Variants in TBC1D22A observed in about 807,000 individuals in gnomAD.
TBC1D22A encodes TBC1 domain family member 22A.
A neutral mutation model predicts 60.2 loss-of-function variants in TBC1D22A; 38 were observed. The observed-to-expected ratio is 0.63, with a 90% CI of 0.49 to 0.83. The LOEUF (loss-of-function observed/expected upper bound fraction) is 0.83. TBC1D22A is among the 40% of genes least tolerant of loss of function. The pLI is 0.00. For synonymous variants in TBC1D22A, 302 were observed against 281.7 expected, an observed-to-expected ratio of 1.07 and a Z score of -0.72; for missense variants, 628 against 701.0, an observed-to-expected ratio of 0.90 and a Z score of 1.18.
chr22:46,826,093 T>G (rs147538975), intron 4 of TBC1D22A, among the ~76,000 whole-genome samples: 4,880 of 152,164 alleles, frequency 0.032, 81 homozygotes, highest in Middle Eastern at 0.041. Flanking sequence ...GTGTTAGCCA[T>G]GATGGTCTCG....
At chr22:46,870,454 C>T (rs1253265342) in intron 4 of TBC1D22A, among the ~76,000 whole-genome samples, 1 of 152,234 alleles carries the variant, frequency 6.6e-6, no homozygotes, top group Non-Finnish European at 1.5e-5. Flanking sequence ...ATTTCTCATT[C>T]ACTTAATCTC....
intron 8 of TBC1D22A, among the ~76,000 whole-genome samples, chr22:46,923,595 G>A (rs1360237803): frequency 6.6e-6 from 1 of 152,266 alleles, no homozygotes; most frequent in African/African-American, 2.4e-5. Context: ...CTTTGAGCCA[G>A]GGTGCGGGGC....
chr22:46,777,330 T>C lies in TBC1D22A; in HGVS notation c.62+14482T>C, dbSNP rs2083747343. Among the ~76,000 whole-genome samples, 1 of 152,108 alleles carries C rather than the reference T, an allele frequency of 6.6e-6. No homozygotes were observed. Among genetic ancestry groups the C allele is most frequent in the Non-Finnish European group, 1.5e-5 (1 of 68,016 alleles). The stretch of plus-strand genomic sequence containing the variant: ...ACGAGGCAGGGATGAGCACATTGTC[T>C]ATTTTTGTGTGACTGGTAGAGAGTG... On this transcript the variant is annotated intron_variant, in intron 1 of 12. Coordinates refer to ENST00000337137, the MANE Select transcript of TBC1D22A (RefSeq NM_014346.5). The surrounding 1 kb of genome is among the most constrained non-coding windows in gnomAD (Gnocchi z 4.5).
At chr22:46,982,612 G>A (rs2074558418) in intron 9 of TBC1D22A, among the ~76,000 whole-genome samples, 1 of 152,206 alleles carries the variant, frequency 6.6e-6, no homozygotes, top group Admixed American at 6.5e-5. Context: ...AGGGGAGATG[G>A]TCTGTCCAGC....
chr22:46,984,405 A>G (rs866464091), intron 9 of TBC1D22A, among the ~76,000 whole-genome samples: 401 of 135,288 alleles, frequency 3.0e-3, no homozygotes, highest in Non-Finnish European at 4.0e-3. Context: ...AAAAAAAAAA[A>G]AGAGAAGTTC....
chr22:46,926,954 A>G (rs2071082464), intron 8 of TBC1D22A, among the ~76,000 whole-genome samples: 1 of 152,256 alleles, frequency 6.6e-6, no homozygotes, highest in Non-Finnish European at 1.5e-5. Flanking sequence ...TATTGAAACA[A>G]TAATTTCAAA....
intron 10 of TBC1D22A, among the ~76,000 whole-genome samples, chr22:47,023,007 T>C (rs531432160): frequency 8.5e-5 from 13 of 152,180 alleles, no homozygotes; most frequent in Admixed American, 3.3e-4. Flanking sequence ...TGCACAGAAA[T>C]GGAAAAGATC....
At chr22:47,093,427 C>T (rs561121878) in intron 11 of TBC1D22A, among the ~76,000 whole-genome samples, 39 of 152,210 alleles carry the variant, frequency 2.6e-4, no homozygotes, top group Non-Finnish European at 3.8e-4. Context: ...TGCCTCCCTG[C>T]AGGGCCAGCA....
At chr22:46,953,975 G>T (rs973142352) in intron 8 of TBC1D22A, among the ~76,000 whole-genome samples, 17 of 152,334 alleles carry the variant, frequency 1.1e-4, no homozygotes, top group Middle Eastern at 3.4e-3. Flanking sequence ...TAACTAGGAG[G>T]TAGCAGAGCT....
intron 7 of TBC1D22A, among the ~76,000 whole-genome samples, chr22:46,903,858 G>T (rs1394616937): frequency 6.6e-6 from 1 of 152,144 alleles, no homozygotes; most frequent in Non-Finnish European, 1.5e-5. Flanking sequence ...GGGGTGGTAG[G>T]AACTCCCAGC....
At chr22:47,022,468 A>T (rs2062123693) in intron 10 of TBC1D22A, among the ~76,000 whole-genome samples, 1 of 151,944 alleles carries the variant, frequency 6.6e-6, no homozygotes, top group Non-Finnish European at 1.5e-5. Flanking sequence ...AAGCCACGGC[A>T]TCTGGGGGTT....
intron 8 of TBC1D22A, among the ~76,000 whole-genome samples, chr22:46,932,748 G>A (rs796417800): frequency 3.2e-4 from 38 of 118,522 alleles, no homozygotes; most frequent in African/African-American, 1.7e-3. Context: ...TTTTTGAGAT[G>A]GAGTCTCGCC....
intron 8 of TBC1D22A, among the ~76,000 whole-genome samples, chr22:46,940,868 C>G (rs2071973365): frequency 7.5e-6 from 1 of 133,830 alleles, no homozygotes. Context: ...ACCACACACA[C>G]AGTCCACCCT....
At chr22:47,166,182 C>G (rs1411325798) in intron 12 of TBC1D22A, among the ~76,000 whole-genome samples, 1 of 152,100 alleles carries the variant, frequency 6.6e-6, no homozygotes, top group East Asian at 1.9e-4. Context: ...CTGGGGGAGC[C>G]TTCCGGTATC....
intron 11 of TBC1D22A, among the ~76,000 whole-genome samples, chr22:47,082,713 G>A (rs1328418881): frequency 6.6e-6 from 1 of 152,208 alleles, no homozygotes; most frequent in Non-Finnish European, 1.5e-5. Context: ...GGCTAAAAAT[G>A]AAAGAACTGA....
At chr22:46,829,731 G>T (rs1339031528) in intron 4 of TBC1D22A, among the ~76,000 whole-genome samples, 1 of 152,170 alleles carries the variant, frequency 6.6e-6, no homozygotes, top group African/African-American at 2.4e-5. Context: ...CCTCCAAAAG[G>T]TCTTCTGGCT....
At chr22:47,169,738 C>G (rs766430700) in intron 12 of TBC1D22A, among the ~76,000 whole-genome samples, 2 of 152,182 alleles carry the variant, frequency 1.3e-5, no homozygotes, top group East Asian at 3.8e-4. Flanking sequence ...GCAGACCTGA[C>G]GCGACCTTGA....
At position 47,164,819 on chromosome 22, in the gene TBC1D22A, G is replaced by A. The variant is rs111467534; in HGVS notation, c.1426-8679G>A. Among the ~76,000 whole-genome samples, 1,473 of 152,288 alleles carry A rather than the reference G, an allele frequency of 9.7e-3. 25 individuals carry two copies. The highest frequency in any genetic ancestry group is 0.033 in the African/African-American group (1,376 of 41,544). ...CCCATTCCTTCCTCTGCACATGTAC[G>A]TCACGGAAGCGGATACTTCATGTTG... On this transcript the variant is annotated intron_variant, in intron 12 of 12. Transcript: ENST00000337137.
chr22:46,793,917 G>A (rs2084538371), intron 3 of TBC1D22A, 76 bp downstream of exon 3: 1 of 1,349,968 alleles, frequency 7.4e-7, no homozygotes, highest in Non-Finnish European at 1.0e-6. Context: ...ACTCACTGTG[G>A]GAGAATCAGT....
Sources: allele counts gnomAD v4.1 joint callset (sites outside exome capture counted in the v4.1 genomes callset), GRCh38; gene constraint gnomAD v4.1.1; non-coding constraint Gnocchi (gnomAD v3.1); transcripts MANE v1.5; gene names NCBI Gene and HGNC (gene_info 2026-07-23, HGNC 2026-07-21).